The following GOT2 variants were observed in gnomAD, a reference collection of about 807,000 sequenced individuals.
The protein encoded by GOT2 is aspartate aminotransferase, mitochondrial.
A neutral mutation model predicts 50.0 loss-of-function variants in GOT2; 17 were observed. The observed-to-expected ratio is 0.34, with a 90% CI of 0.23 to 0.51. The LOEUF (loss-of-function observed/expected upper bound fraction) is 0.51, where lower values mean the gene tolerates loss of function less well. Among genes scored for constraint, GOT2 ranks in the 20% least tolerant of loss-of-function variants. The pLI is 0.97. For missense variants in GOT2, 430 were observed against 559.6 expected, an observed-to-expected ratio of 0.77 and a Z score of 2.34; for synonymous variants, 172 against 204.9, an observed-to-expected ratio of 0.84 and a Z score of 1.37.
intron 4 of GOT2, 43 bp from the exon 5 acceptor site, chr16:58,718,731 G>C (rs766049718): frequency 1.4e-6 from 2 of 1,480,512 alleles, no homozygotes; most frequent in East Asian, 2.3e-5. Context: ...GAACAAAGGA[G>C]AGGCAAAAAA....
chr16:58,716,866 G>C, intron 6 of GOT2, 53 bp from the exon 7 acceptor site: 2 of 1,548,112 alleles, frequency 1.3e-6, no homozygotes, highest in South Asian at 1.1e-5. Flanking sequence ...AGAGGCCCCA[G>C]ATGTTTATAA....
At chr16:58,713,943 T>TTTCTCAAA (rs1410087347) in intron 8 of GOT2, among the ~76,000 whole-genome samples, 1 of 152,184 alleles carries the variant, frequency 6.6e-6, no homozygotes, top group Admixed American at 6.5e-5. Flanking sequence ...TAAAACTTTA[T>TTTCTCAAA]TTACAAGAAT....
At chr16:58,715,089 A>G (rs927130345) in intron 8 of GOT2, among the ~76,000 whole-genome samples, 3 of 152,092 alleles carry the variant, frequency 2.0e-5, no homozygotes, top group South Asian at 2.1e-4. Context: ...CACACCTGCA[A>G]TCCCAGCACT....
At chr16:58,716,489 C>T (rs1435065453) in intron 7 of GOT2, 174 bp downstream of exon 7, 1 of 649,164 alleles carries the variant, frequency 1.5e-6, no homozygotes, top group East Asian at 2.8e-5. Context: ...GAATATATGG[C>T]TAAGAAAATC....
At chr16:58,711,921 T>A (rs979250204) in intron 8 of GOT2, among the ~76,000 whole-genome samples, 1 of 152,114 alleles carries the variant, frequency 6.6e-6, no homozygotes, top group African/African-American at 2.4e-5. Context: ...CACGATCTGC[T>A]CCACCTTCTC....
At chr16:58,719,616 A>G (rs2044724491) in intron 3 of GOT2, among the ~76,000 whole-genome samples, 1 of 151,938 alleles carries the variant, frequency 6.6e-6, no homozygotes, top group Non-Finnish European at 1.5e-5. Flanking sequence ...TTAGCTGGGC[A>G]TGGTGGCGCA....
At chr16:58,726,235 G>A (rs1014427865) in intron 1 of GOT2, among the ~76,000 whole-genome samples, 5 of 152,122 alleles carry the variant, frequency 3.3e-5, no homozygotes, top group African/African-American at 4.8e-5. Flanking sequence ...GCCCAGGCTG[G>A]AATGCAATGG....
chr16:58,734,133 G>C lies in GOT2; in HGVS notation c.89+7C>G. On this transcript the variant is annotated splice_region_variant and intron_variant, in intron 1 of 9. Transcript: ENST00000245206. ...CCCTGGCTCCATCTCCGTTTCCCTTGGCTTACCTGGCTCTGGCAGAGGCCG... is the reference window on the plus strand; with the variant it reads ...CCCTGGCTCCATCTCCGTTTCCCTTCGCTTACCTGGCTCTGGCAGAGGCCG... The C allele has an allele frequency of 7.6e-7, 1 of 1,319,270 alleles. No individual in the cohort carries two copies. Among genetic ancestry groups the C allele is most frequent in the Non-Finnish European group, 9.7e-7 (1 of 1,029,450 alleles). The allele number at this position is 1,319,270 out of a possible 1,614,324, so 81.7% of individuals were successfully genotyped here. A position where few individuals can be genotyped will look rare whatever the true frequency, so the allele number is the denominator to read the frequency against.
At chr16:58,716,633 G>C in intron 7 of GOT2, 30 bp downstream of exon 7, 3 of 1,599,490 alleles carry the variant, frequency 1.9e-6, no homozygotes, top group Non-Finnish European at 8.6e-7. Context: ...CAGCATGAGA[G>C]CATGTGTCAT....
chr16:58,716,593 C>T (rs2044696154), intron 7 of GOT2, 70 bp downstream of exon 7: 8 of 1,388,500 alleles, frequency 5.8e-6, no homozygotes, highest in Middle Eastern at 2.5e-4. Flanking sequence ...CACACACCCA[C>T]AAGCTCTATG....
intron 8 of GOT2, 49 bp from the exon 9 acceptor site, chr16:58,709,616 A>G: frequency 1.9e-6 from 3 of 1,539,956 alleles, no homozygotes; most frequent in Non-Finnish European, 2.7e-6. Flanking sequence ...GCACTGACCG[A>G]TATGCTGGAG....
chr16:58,724,283 A>C (rs1456155062), intron 1 of GOT2, among the ~76,000 whole-genome samples: 1 of 149,850 alleles, frequency 6.7e-6, no homozygotes, highest in Non-Finnish European at 1.5e-5. Context: ...TATTCTGACA[A>C]ACTTTTTTTT....
In GOT2 at chr16:58,709,686, G is replaced by A. The variant is rs117266809; in HGVS notation, c.1020-119C>T. 6,048 of 703,400 alleles carry A rather than the reference G, an allele frequency of 8.6e-3. 38 individuals are homozygous for A. The highest frequency in any genetic ancestry group is 9.1e-3 in the Non-Finnish European group (3,915 of 430,110). 43.6% of individuals were successfully genotyped at this position (703,400 alleles called of 1,614,324 possible). A position where few individuals can be genotyped will look rare whatever the true frequency, so the allele number is the denominator to read the frequency against. ...TAGTGTGCCTCAATTCTCAGGTCACGAATGAGTGACACGCTGTCACTGGCC... is the reference window on the plus strand; with the variant it reads ...TAGTGTGCCTCAATTCTCAGGTCACAAATGAGTGACACGCTGTCACTGGCC... On this transcript the variant is annotated intron_variant, in intron 8 of 9. Coordinates refer to ENST00000245206, the MANE Select transcript of GOT2 (RefSeq NM_002080.4).
chr16:58,733,768 C>A (rs1260528326), intron 1 of GOT2: 1 of 193,528 alleles, frequency 5.2e-6, no homozygotes, highest in East Asian at 1.2e-4. Context: ...GCCCCCAGGG[C>A]ACCCTATCAA....
chr16:58,708,088 C>A lies in GOT2; in HGVS notation c.*83G>T. 1.5e-6 allele frequency: 2 copies of A among 1,348,822 alleles called. No homozygotes were observed. The highest frequency in any genetic ancestry group is 2.6e-5 in the South Asian group (2 of 76,164). The allele number at this position is 1,348,822 out of a possible 1,614,324, so 83.6% of individuals were successfully genotyped here. A position where few individuals can be genotyped will look rare whatever the true frequency, so the allele number is the denominator to read the frequency against. The stretch of plus-strand genomic sequence containing the variant: ...GAAATGATCCACTCACCACCATCCA[C>A]CCTCTCTCATTGTCTGTGTGAAGCT... On this transcript the variant is annotated 3_prime_UTR_variant, in exon 10 of 10. Transcript: ENST00000245206.
chr16:58,732,533 T>G (rs139853455), intron 1 of GOT2, among the ~76,000 whole-genome samples: 1 of 152,172 alleles, frequency 6.6e-6, no homozygotes, highest in Admixed American at 6.5e-5. Flanking sequence ...AAATCAGGGC[T>G]TAAAATAAAA....
intron 2 of GOT2, 55 bp from the exon 3 acceptor site, chr16:58,722,333 T>A (rs1700197903): frequency 6.5e-7 from 1 of 1,537,452 alleles, no homozygotes; most frequent in Middle Eastern, 1.8e-4. Context: ...GGAATTACTA[T>A]GATTAATGTT....
At position 58,716,604 on chromosome 16, in the gene GOT2, C is replaced by T. The variant is rs867192672; in HGVS notation, c.853+59G>A. 4.1e-6 allele frequency: 6 copies of T among 1,458,224 alleles called. No homozygotes were observed. The Middle Eastern group carries it at 7.2e-4, about 175-fold the overall frequency. 90.3% of individuals were successfully genotyped at this position (1,458,224 alleles called of 1,614,324 possible). A position where few individuals can be genotyped will look rare whatever the true frequency, so the allele number is the denominator to read the frequency against. ...CACACACACACCCACAAGCTCTATG[C>T]CCTCGTGGCATTCTCTCCCAGCATG... On this transcript the variant is annotated intron_variant, in intron 7 of 9. Transcript: ENST00000245206.
chr16:58,718,105 G>GT (rs1231477010), intron 6 of GOT2, 91 bp downstream of exon 6: 1 of 919,522 alleles, frequency 1.1e-6, no homozygotes, highest in East Asian at 2.4e-5. Flanking sequence ...CAGGTTCGAG[G>GT]TTAAGACTCT....
Sources: gnomAD v4.1 joint callset for allele counts (sites outside exome capture counted in the v4.1 genomes callset) on GRCh38, gnomAD v4.1.1 for gene constraint, MANE v1.5 for transcripts, NCBI Gene and HGNC (gene_info 2026-07-23, HGNC 2026-07-21) for gene names.